The following USH2A variants were observed in gnomAD, a reference collection of about 807,000 sequenced individuals.
USH2A encodes the protein Usher syndrome 2A (autosomal recessive, mild).
A neutral mutation model predicts 538.9 loss-of-function variants in USH2A; 443 were observed. The ratio of observed to expected loss-of-function variants is 0.82; its 90% CI spans 0.76 to 0.89. The LOEUF (loss-of-function observed/expected upper bound fraction) is 0.89, where lower values mean the gene tolerates loss of function less well. USH2A is among the 40% of genes least tolerant of loss of function. USH2A has a pLI of 0.00. For synonymous variants in USH2A, 2,413 were observed against 2,273.5 expected (o/e 1.06, Z -1.75); for missense variants, 6,633 against 6,324.8 (o/e 1.05, Z -1.65).
At chr1:216,373,257 G>A (rs574954734) in intron 3 of USH2A, among the ~76,000 whole-genome samples, 1 of 152,208 alleles carries the variant, frequency 6.6e-6, no homozygotes, top group East Asian at 1.9e-4. Flanking sequence ...AATGAAAGGA[G>A]GCAATATAAT....
At chr1:216,302,647 T>TGACGACAA (rs2037236562) in intron 9 of USH2A, among the ~76,000 whole-genome samples, 1 of 152,102 alleles carries the variant, frequency 6.6e-6, no homozygotes, top group Non-Finnish European at 1.5e-5. Context: ...GACAATACAA[T>TGACGACAA]GACGACAAAC....
At chr1:215,970,549 GC>G (rs1667468129) in intron 36 of USH2A, 75 bp downstream of exon 36, 19 of 1,591,036 alleles carry the variant, frequency 1.2e-5, no homozygotes, top group Non-Finnish European at 1.6e-5. Flanking sequence ...GTGAGTCACC[GC>G]CACTTACTTC....
intron 37 of USH2A, among the ~76,000 whole-genome samples, chr1:215,956,912 C>T (rs1667081654): frequency 6.6e-6 from 1 of 152,172 alleles, no homozygotes; most frequent in East Asian, 1.9e-4. Context: ...TCAGAAGTGT[C>T]AATACATTCA....
intron 34 of USH2A, among the ~76,000 whole-genome samples, chr1:215,996,907 C>T (rs76382343): frequency 0.019 from 2,898 of 152,092 alleles, 91 homozygotes; most frequent in African/African-American, 0.067. Context: ...TTCAAATCCC[C>T]GTGTAGCTTC....
rs143462714 is a variant in USH2A at position 215,934,346 on chromosome 1, A to G, written c.7300+270T>C. Among the ~76,000 whole-genome samples, 385 of 151,724 alleles carry G rather than the reference A, an allele frequency of 2.5e-3. 1 individual carries two copies. The highest frequency in any genetic ancestry group is 8.6e-3 in the African/African-American group (355 of 41,408). On this transcript the variant is annotated intron_variant, in intron 38 of 71. Transcript: ENST00000307340. ...AACATGCAGAAATCCAGATATATATATGTGTGTGTGTGTATGTGTGTATGG... is the reference window on the plus strand; with the variant it reads ...AACATGCAGAAATCCAGATATATATGTGTGTGTGTGTGTATGTGTGTATGG...
chr1:216,370,761 TTTAA>T (rs1457171468), intron 3 of USH2A, among the ~76,000 whole-genome samples: 1 of 151,188 alleles, frequency 6.6e-6, no homozygotes, highest in East Asian at 1.9e-4. Flanking sequence ...AAATGGCAAA[TTTAA>T]TTAATAAGTT....
intron 35 of USH2A, among the ~76,000 whole-genome samples, chr1:215,985,057 C>T (rs10442697): frequency 4.6e-5 from 7 of 152,086 alleles, no homozygotes; most frequent in African/African-American, 1.4e-4. Context: ...ATAAAAGTTA[C>T]GCAAGGTTTG....
In USH2A at chr1:216,230,320, T is replaced by C. The variant is rs77089820; in HGVS notation, c.2993+1633A>G. Among the ~76,000 whole-genome samples, 799 of 152,286 alleles carry C rather than the reference T, an allele frequency of 5.2e-3. 6 individuals are homozygous for C. Among genetic ancestry groups the C allele is most frequent in the Non-Finnish European group, 4.9e-3 (332 of 68,018 alleles). On this transcript the variant is annotated intron_variant, in intron 14 of 71. Coordinates refer to ENST00000307340, the MANE Select transcript of USH2A (RefSeq NM_206933.4). The stretch of plus-strand genomic sequence containing the variant: ...TATTTTACTATCAAAATCCTGACAG[T>C]GCTTTTTATTTACTATTTACTGTAC...
chr1:215,721,830 G>A (rs570688074), intron 61 of USH2A, among the ~76,000 whole-genome samples: 3 of 152,234 alleles, frequency 2.0e-5, no homozygotes, highest in East Asian at 1.9e-4. Context: ...TTGGGACGCC[G>A]CAGCGGGAGG....
rs368954192 is a variant in USH2A, at chr1:216,071,759, A to G, written c.5857+1130T>C. On this transcript the variant is annotated intron_variant, in intron 29 of 71. Coordinates refer to ENST00000307340, the MANE Select transcript of USH2A (RefSeq NM_206933.4). The stretch of plus-strand genomic sequence containing the variant: ...GGCTTTATATTTGTTAATAAAGTAG[A>G]AGAGTGTGAAATAGGAGCAGAGAAC... Among the ~76,000 whole-genome samples, 3 of 152,318 alleles carry G rather than the reference A, an allele frequency of 2.0e-5. No homozygotes were observed. The East Asian group carries it at 5.8e-4, about 29-fold the overall frequency.
At chr1:216,076,243 C>A (rs116376396) in intron 27 of USH2A, among the ~76,000 whole-genome samples, 2 of 152,002 alleles carry the variant, frequency 1.3e-5, no homozygotes, top group South Asian at 4.1e-4. Context: ...AGCTACCATA[C>A]GTCAATATTT....
intron 49 of USH2A, among the ~76,000 whole-genome samples, chr1:215,806,503 T>C (rs1266303102): frequency 6.6e-6 from 1 of 152,102 alleles, no homozygotes; most frequent in East Asian, 1.9e-4. Flanking sequence ...AGATGTGGGA[T>C]TCATACAGGA....
At chr1:216,246,036 T>C (rs1015745202) in intron 13 of USH2A, among the ~76,000 whole-genome samples, 1 of 152,162 alleles carries the variant, frequency 6.6e-6, no homozygotes, top group Admixed American at 6.6e-5. Context: ...CCTCTCCCAA[T>C]TGGGAAAGAG....
At chr1:215,691,363 T>C (rs1238235347) in intron 61 of USH2A, among the ~76,000 whole-genome samples, 1 of 152,154 alleles carries the variant, frequency 6.6e-6, no homozygotes, top group Non-Finnish European at 1.5e-5. Flanking sequence ...TCTCCTATCA[T>C]TTTCCCCTGG....
chr1:216,045,702 T>C (rs1326998389), intron 32 of USH2A, among the ~76,000 whole-genome samples: 1 of 152,208 alleles, frequency 6.6e-6, no homozygotes, highest in African/African-American at 2.4e-5. Context: ...AGAGAAGTCA[T>C]GTGCTGAGCT....
At chr1:215,901,826 T>C (rs957537521) in intron 38 of USH2A, among the ~76,000 whole-genome samples, 5 of 152,176 alleles carry the variant, frequency 3.3e-5, no homozygotes, top group African/African-American at 9.6e-5. Flanking sequence ...ATCATATCAG[T>C]TTGTTCCAAA....
intron 14 of USH2A, among the ~76,000 whole-genome samples, chr1:216,219,355 G>A (rs1241641342): frequency 1.3e-5 from 2 of 152,028 alleles, no homozygotes; most frequent in African/African-American, 2.4e-5. Context: ...TCTGAAAATT[G>A]TAGTTTGTTT....
At chr1:216,280,561 AT>A (rs1220228284) in intron 11 of USH2A, among the ~76,000 whole-genome samples, 2 of 151,836 alleles carry the variant, frequency 1.3e-5, no homozygotes, top group Non-Finnish European at 2.9e-5. Context: ...ATTACTCTTC[AT>A]TTTCCTCTCT....
chr1:215,704,078 G>A (rs543124496), intron 61 of USH2A, among the ~76,000 whole-genome samples: 9 of 152,262 alleles, frequency 5.9e-5, no homozygotes, highest in East Asian at 1.9e-4. Context: ...GGAGTTCCCC[G>A]ACCCCTTGCA....
Sources: gnomAD v4.1 joint callset for allele counts (sites outside exome capture counted in the v4.1 genomes callset) on GRCh38, gnomAD v4.1.1 for gene constraint, MANE v1.5 for transcripts, NCBI Gene and HGNC (gene_info 2026-07-23, HGNC 2026-07-21) for gene names.